Variants in MAP3K1 observed in about 807,000 individuals in gnomAD.
MAP3K1 encodes mitogen-activated protein kinase kinase kinase 1, also known as MAP/ERK kinase kinase 1.
A neutral mutation model predicts 144.2 loss-of-function variants in MAP3K1; 36 were observed. The ratio of observed to expected loss-of-function variants is 0.25; its 90% CI spans 0.19 to 0.33. The LOEUF (loss-of-function observed/expected upper bound fraction) is 0.33. Ranked by LOEUF, MAP3K1 falls within the 10% of genes least tolerant of loss-of-function variation. The pLI, the probability that MAP3K1 is intolerant of heterozygous loss-of-function variation, is 1.00. For synonymous variants in MAP3K1, 718 were observed against 688.7 expected (o/e 1.04, Z -0.67); for missense variants, 1,650 against 1,881.9 (o/e 0.88, Z 2.28).
chr5:56,883,560 A>G lies in MAP3K1; in HGVS notation c.3700A>G (p.Lys1234Glu). 2 of 1,614,134 alleles carry G rather than the reference A, an allele frequency of 1.2e-6. No homozygotes were observed. Among genetic ancestry groups the G allele is most frequent in the Non-Finnish European group, 1.7e-6 (2 of 1,179,996 alleles). The change falls in exon 15 of 20, where the codon AAA becomes GAA. Residue 1234 changes from lysine (K) to glutamate (E), a missense_variant. Around this residue, in one of 6 missense-constraint regions of MAP3K1, gnomAD observed 841 missense variants for 886.5 expected, o/e 0.95. Transcript: ENST00000399503. ...PETLPGHTKA[K>E]QPYREDTEWL... is the part of the protein sequence containing the mutation. ...GACTCTACCAGGACATACCAAAGCA[A>G]AACAACCGTATAGAGAAGACACTGA...
At chr5:56,865,089 T>C (rs971088416) in intron 4 of MAP3K1, among the ~76,000 whole-genome samples, 155 bp downstream of exon 4, 4 of 152,222 alleles carry the variant, frequency 2.6e-5, no homozygotes, top group East Asian at 1.9e-4. Context: ...TTTTCTTTAA[T>C]GTATTTATGA....
chr5:56,858,940 C>T (rs1364085137), intron 2 of MAP3K1, among the ~76,000 whole-genome samples: 1 of 151,604 alleles, frequency 6.6e-6, no homozygotes, highest in East Asian at 1.9e-4. Flanking sequence ...GTTTGGTGAA[C>T]ACAGCAACTG....
chr5:56,889,199 C>T (rs947913736), intron 19 of MAP3K1, among the ~76,000 whole-genome samples: 4 of 152,130 alleles, frequency 2.6e-5, no homozygotes, highest in Admixed American at 6.5e-5. Flanking sequence ...GACAGAGTCT[C>T]GCTGCAGTGC....
chr5:56,841,607 A>G (rs1746818049), intron 1 of MAP3K1, among the ~76,000 whole-genome samples: 1 of 152,240 alleles, frequency 6.6e-6, no homozygotes, highest in Non-Finnish European at 1.5e-5. Context: ...AGATTTAACG[A>G]TTAAAAGGAA....
At position 56,856,675 on chromosome 5, in the gene MAP3K1, G is replaced by A. The variant is rs2111864111; in HGVS notation, c.558G>A (p.Arg186=). 1 of 1,613,968 alleles carries A rather than the reference G, an allele frequency of 6.2e-7. No individual in the cohort carries two copies. The highest frequency in any genetic ancestry group is 8.5e-7 in the Non-Finnish European group (1 of 1,179,888). The change falls in exon 2 of 20, where the codon AGG becomes AGA. Residue 186 remains arginine (R), a synonymous_variant. Coordinates refer to ENST00000399503, the MANE Select transcript of MAP3K1 (RefSeq NM_005921.2). ...ATCGTCCAGAGGAACGAATGATCAG[G>A]GAGAAACTGAAGGCAACCTGTATGC... ...MDDRPEERMI[R]EKLKATCMPA...
At chr5:56,867,643 A>G (rs72644086) in intron 6 of MAP3K1, among the ~76,000 whole-genome samples, 10,182 of 152,274 alleles carry the variant, frequency 0.067, 508 homozygotes, top group East Asian at 0.19. Context: ...GATGTAATTC[A>G]GTTATTGTAA....
rs1156410541 is a variant in MAP3K1, at chr5:56,875,089, A to T, written c.1744A>T (p.Met582Leu). 2 of 1,614,078 alleles carry T rather than the reference A, an allele frequency of 1.2e-6. No individual in the cohort carries two copies. Among genetic ancestry groups the T allele is most frequent in the Non-Finnish European group, 1.7e-6 (2 of 1,180,038 alleles). The change falls in exon 10 of 20, where the codon ATG (methionine) becomes TTG (leucine). Residue 582 changes from methionine to leucine, a missense_variant. Met to Leu is a conservative substitution (Grantham distance 15, BLOSUM62 2). Coordinates refer to ENST00000399503, the MANE Select transcript of MAP3K1 (RefSeq NM_005921.2). ...TTCTAGAAACTGGAATGTGAGAGAGATGGCCCTCAGGCGTCTTTCCCATGA... is the reference window on the plus strand; with the variant it reads ...TTCTAGAAACTGGAATGTGAGAGAGTTGGCCCTCAGGCGTCTTTCCCATGA... The part of the protein sequence containing the change: ...LFSRNWNVRE[M>L]ALRRLSHDVS...
chr5:56,816,099 G>C, intron 1 of MAP3K1, 44 bp downstream of exon 1: 1 of 1,201,986 alleles, frequency 8.3e-7, no homozygotes, highest in Non-Finnish European at 1.0e-6. Flanking sequence ...TGGAGAGCGG[G>C]CAGAGGGCAA....
chr5:56,846,788 T>G (rs1277294056), intron 1 of MAP3K1, among the ~76,000 whole-genome samples: 1 of 152,242 alleles, frequency 6.6e-6, no homozygotes. Flanking sequence ...CTTAACAAAG[T>G]GTACATATTT....
chr5:56,839,913 G>A (rs1483539691), intron 1 of MAP3K1, among the ~76,000 whole-genome samples: 2 of 150,288 alleles, frequency 1.3e-5, no homozygotes, highest in East Asian at 1.9e-4. Flanking sequence ...TCTTATTAAT[G>A]TTTCTTAAAT....
At chr5:56,890,940 G>T (rs1246540115) in intron 19 of MAP3K1, among the ~76,000 whole-genome samples, 1 of 151,994 alleles carries the variant, frequency 6.6e-6, no homozygotes, top group East Asian at 1.9e-4. Flanking sequence ...AGGGTACTCA[G>T]GAGGTTGAGG....
At chr5:56,858,943 A>G (rs1326470830) in intron 2 of MAP3K1, among the ~76,000 whole-genome samples, 1 of 152,076 alleles carries the variant, frequency 6.6e-6, no homozygotes, top group Admixed American at 6.5e-5. Context: ...TGGTGAACAC[A>G]GCAACTGGCT....
chr5:56,822,545 C>T (rs924813463), intron 1 of MAP3K1, among the ~76,000 whole-genome samples: 1 of 152,148 alleles, frequency 6.6e-6, no homozygotes, highest in Non-Finnish European at 1.5e-5. Context: ...TCTACTTAAC[C>T]ATGACACTTC....
At chr5:56,876,372 A>G (rs1164798802) in intron 10 of MAP3K1, among the ~76,000 whole-genome samples, 1 of 151,836 alleles carries the variant, frequency 6.6e-6, no homozygotes, top group African/African-American at 2.4e-5. Context: ...TTTAATTCTT[A>G]TCTAGTCTGT....
chr5:56,890,035 A>AG (rs890768563), intron 19 of MAP3K1, among the ~76,000 whole-genome samples: 16 of 151,224 alleles, frequency 1.1e-4, no homozygotes, highest in Non-Finnish European at 2.2e-4. Context: ...CTGCTTGGGC[A>AG]CCCCCTTTTT....
Position 56,895,899 on chromosome 5 carries a change from G to C in MAP3K1, c.*2219G>C, listed in dbSNP as rs920008893. The C allele has an allele frequency of 6.2e-5, 14 of 225,652 alleles. No homozygotes were observed. Among genetic ancestry groups the C allele is most frequent in the Admixed American group, 4.1e-4 (7 of 17,124 alleles). 14.0% of individuals were successfully genotyped at this position (225,652 alleles called of 1,614,324 possible). On this transcript the variant is annotated 3_prime_UTR_variant, in exon 20 of 20. Transcript: ENST00000399503. The stretch of plus-strand genomic sequence containing the variant: ...CTTTCACAATGAAATTATATTTGCT[G>C]TGTGACTATGATTCCTAAGATTTCC...
intron 3 of MAP3K1, among the ~76,000 whole-genome samples, chr5:56,862,348 T>C (rs1158285335): frequency 3.3e-5 from 5 of 152,176 alleles, no homozygotes; most frequent in Non-Finnish European, 7.3e-5. Flanking sequence ...CCAAAGCTAG[T>C]TGCATGCCCA....
intron 1 of MAP3K1, among the ~76,000 whole-genome samples, chr5:56,826,261 A>G (rs1004949261): frequency 6.6e-6 from 1 of 152,214 alleles, no homozygotes; most frequent in African/African-American, 2.4e-5. Flanking sequence ...GGCTTTGTAG[A>G]AATCAGTGCT....
Position 56,882,629 on chromosome 5 carries a change from T to C in MAP3K1, c.3429T>C (p.Ser1143=). The C allele has an allele frequency of 6.2e-7, 1 of 1,614,070 alleles. No individual in the cohort carries two copies. Among genetic ancestry groups the C allele is most frequent in the Non-Finnish European group, 8.5e-7 (1 of 1,179,950 alleles). The change falls in exon 14 of 20, where the codon AGT becomes AGC. Residue 1143 remains serine (S), a synonymous_variant. Coordinates refer to ENST00000399503, the MANE Select transcript of MAP3K1 (RefSeq NM_005921.2). ...EDLLEASMPS[S]DTTVTFKSEV... ...TTCTTGAAGCATCTATGCCTTCAAG[T>C]GATACAACAGTAACTTTTAAGTCAG...
Sources: gnomAD v4.1 joint callset for allele counts (sites outside exome capture counted in the v4.1 genomes callset) on GRCh38, gnomAD v4.1.1 for gene constraint, gnomAD v4.1.1 regional missense constraint, MANE v1.5 for transcripts, NCBI Gene and HGNC (gene_info 2026-07-23, HGNC 2026-07-21) for gene names.